REEP5: variants seen among roughly 807,000 people sequenced by gnomAD.
REEP5 encodes the protein receptor expression-enhancing protein 5.
Under a neutral mutation model 22.4 loss-of-function variants are expected in REEP5, and 24 were observed. That is an observed-to-expected ratio of 1.07 (90% CI 0.78 to 1.51). REEP5 has a LOEUF of 1.51. Ranked by LOEUF, REEP5 falls within the 40% of genes most tolerant of loss-of-function variation. REEP5 has a pLI of 0.00. For missense variants in REEP5, 252 were observed against 233.0 expected, an observed-to-expected ratio of 1.08 and a Z score of -0.53; for synonymous variants, 103 against 88.6, an observed-to-expected ratio of 1.16 and a Z score of -0.92.
chr5:112,919,408 C>T (rs370093857), intron 2 of REEP5, among the ~76,000 whole-genome samples: 9 of 146,994 alleles, frequency 6.1e-5, no homozygotes, highest in African/African-American at 2.3e-4. Context: ...ATTACTCAGG[C>T]GTGGTGGCAC....
At position 112,876,510 on chromosome 5, in the gene REEP5, C is replaced by G. The variant is rs369147197; in HGVS notation, c.*2276G>C. Reference sequence around the variant, plus strand: ...TCAGCTGTGAGTAGAGGAGTCTTCCCGAGAGTAGCAGTTGTTGATCCAAAT... The same window carrying G: ...TCAGCTGTGAGTAGAGGAGTCTTCCGGAGAGTAGCAGTTGTTGATCCAAAT... On this transcript the variant is annotated 3_prime_UTR_variant, in exon 5 of 5. Coordinates refer to ENST00000379638, the MANE Select transcript of REEP5 (RefSeq NM_005669.5). The G allele has an allele frequency of 2.6e-5, 4 of 152,216 alleles. No individual in the cohort carries two copies. Among genetic ancestry groups the G allele is most frequent in the South Asian group, 2.1e-4 (1 of 4,820 alleles). 9.4% of individuals were successfully genotyped at this position (152,216 alleles called of 1,614,324 possible).
In REEP5 at chr5:112,922,065, C is replaced by T. The variant is rs758959499; in HGVS notation, c.118+8G>A. The T allele has an allele frequency of 2.5e-6, 4 of 1,585,790 alleles. No individual in the cohort carries two copies. Among genetic ancestry groups the T allele is most frequent in the Non-Finnish European group, 2.6e-6 (3 of 1,166,734 alleles). On this transcript the variant is annotated splice_region_variant and intron_variant, in intron 1 of 4. Transcript: ENST00000379638. The stretch of plus-strand genomic sequence containing the variant: ...CCCTACCAGCGGCGGCGACCCCCGG[C>T]CACCCACCAAGAGCGATGAAGCTCC...
rs552927077 is a variant in REEP5 at position 112,892,985 on chromosome 5, G to A, written c.352-5802C>T. 1,075 of 1,581,620 alleles carry A rather than the reference G, an allele frequency of 6.8e-4. 4 individuals carry two copies. The highest frequency in any genetic ancestry group is 1.9e-3 in the Admixed American group (109 of 57,640). On this transcript the variant is annotated intron_variant, in intron 3 of 4. Transcript: ENST00000379638. ...CGGAGCCAGAGCCGCAGGAGCCACC[G>A]CAGCCGGAGCCAAAGTTCCTCTAGG...
intron 3 of REEP5, among the ~76,000 whole-genome samples, chr5:112,888,594 T>TTTA (rs35272772): frequency 0.38 from 54,697 of 144,874 alleles, 11,172 homozygotes; most frequent in African/African-American, 0.51. Context: ...TGGCTAATTT[T>TTTA]TTATAACTTT....
intron 4 of REEP5, among the ~76,000 whole-genome samples, chr5:112,884,189 G>A (rs1422389726): frequency 1.3e-5 from 2 of 152,088 alleles, no homozygotes; most frequent in Non-Finnish European, 2.9e-5. Context: ...ATCTCACATA[G>A]AGTAGAAGCC....
chr5:112,887,164 C>CTT lies in REEP5; in HGVS notation c.370_371insAA (p.Cys124Ter). The change falls in exon 4 of 5, where the codon TGC becomes TAAGC. Residue 124 changes from cysteine to a stop codon, truncating the protein, a stop_gained and frameshift_variant. Transcript: ENST00000379638. LOFTEE classifies it high-confidence loss of function. The stretch of plus-strand genomic sequence containing the variant: ...CCCATTAGAAGGGCTCGGGGCCATG[C>CTT]ACCACAACAGGAAGCCACACTGCAC... Reference protein sequence around the residue: ...YMLKCGFLLWCMAPSPSNGAE... With the variant: ...YMLKCGFLLW 1 of 1,604,528 alleles carries CTT rather than the reference C, an allele frequency of 6.2e-7. No individual in the cohort carries two copies. The highest frequency in any genetic ancestry group is 8.5e-7 in the Non-Finnish European group (1 of 1,174,066).
In REEP5 at chr5:112,921,275, G is replaced by A. The variant is rs765298894; in HGVS notation, c.119-19C>T. 1.5e-5 allele frequency: 24 copies of A among 1,612,452 alleles called. 1 individual carries two copies. Among genetic ancestry groups the A allele is most frequent in the East Asian group, 8.9e-5 (4 of 44,874 alleles). ...ATGACACCTGGGGACCACAAGGAGAGAAGTGGGTCGGGCAGCATGAGAGCC... is the reference window on the plus strand; with the variant it reads ...ATGACACCTGGGGACCACAAGGAGAAAAGTGGGTCGGGCAGCATGAGAGCC... On this transcript the variant is annotated intron_variant, in intron 1 of 4. Coordinates refer to ENST00000379638, the MANE Select transcript of REEP5 (RefSeq NM_005669.5).
chr5:112,891,988 A>G (rs1180094457), intron 3 of REEP5: 3 of 1,258,616 alleles, frequency 2.4e-6, no homozygotes, highest in East Asian at 2.3e-5. Flanking sequence ...GGAACAATGG[A>G]AAGAACAGCA....
intron 3 of REEP5, chr5:112,891,661 A>G (rs1459938363): frequency 6.2e-7 from 1 of 1,611,904 alleles, no homozygotes; most frequent in Non-Finnish European, 8.5e-7. Flanking sequence ...TGAGAAGATG[A>G]CGTTTCCCAA....
At chr5:112,880,374 G>C (rs939468314) in intron 4 of REEP5, among the ~76,000 whole-genome samples, 2 of 152,200 alleles carry the variant, frequency 1.3e-5, no homozygotes, top group African/African-American at 2.4e-5. Context: ...GGGGAAAGGG[G>C]TTGTCTAGAA....
chr5:112,897,409 GGAC>G (rs1160452353), intron 3 of REEP5: 2 of 148,154 alleles, frequency 1.3e-5, no homozygotes, highest in African/African-American at 5.0e-5. Flanking sequence ...GTAAACAGTA[GGAC>G]AACAAGGACT....
At chr5:112,888,570 T>G (rs771864786) in intron 3 of REEP5, among the ~76,000 whole-genome samples, 1 of 140,194 alleles carries the variant, frequency 7.1e-6, no homozygotes, top group Non-Finnish European at 1.5e-5. Flanking sequence ...ACTGCAGGCA[T>G]GAACCACCAG....
chr5:112,901,508 A>G (rs954663656), intron 3 of REEP5, among the ~76,000 whole-genome samples: 1 of 152,104 alleles, frequency 6.6e-6, no homozygotes, highest in Admixed American at 6.5e-5. Flanking sequence ...CAGGAGTTCG[A>G]GAGCACCCTG....
chr5:112,899,203 T>C (rs1561654517), intron 3 of REEP5, among the ~76,000 whole-genome samples: 1 of 152,006 alleles, frequency 6.6e-6, no homozygotes, highest in East Asian at 1.9e-4. Context: ...CTCAGCCTCC[T>C]GAGCAGATGG....
At chr5:112,920,000 A>G (rs1769317441) in intron 2 of REEP5, among the ~76,000 whole-genome samples, 1 of 152,174 alleles carries the variant, frequency 6.6e-6, no homozygotes, top group Admixed American at 6.5e-5. Context: ...GACCGCCTGA[A>G]TATTTGCTCA....
At chr5:112,914,566 T>C (rs139574958) in intron 2 of REEP5, among the ~76,000 whole-genome samples, 6 of 152,256 alleles carry the variant, frequency 3.9e-5, no homozygotes, top group African/African-American at 1.2e-4. Context: ...AAAGAGCAGA[T>C]GCAAATCCCA....
chr5:112,878,503 G>A lies in REEP5; in HGVS notation c.*283C>T, dbSNP rs933617646. 7.3e-6 allele frequency: 3 copies of A among 410,936 alleles called. No individual in the cohort carries two copies. The highest frequency in any genetic ancestry group is 6.1e-5 in the African/African-American group (3 of 49,096). The allele number at this position is 410,936 out of a possible 1,614,324, so 25.5% of individuals were successfully genotyped here. A position where few individuals can be genotyped will look rare whatever the true frequency, so the allele number is the denominator to read the frequency against. On this transcript the variant is annotated 3_prime_UTR_variant, in exon 5 of 5. Transcript: ENST00000379638. Reference sequence around the variant, plus strand: ...TGTGGGGTATATAATTTTATTTTAAGTTTATATTTCCTGCAGGATAGCAAC... The same window carrying A: ...TGTGGGGTATATAATTTTATTTTAAATTTATATTTCCTGCAGGATAGCAAC...
At chr5:112,886,919 G>T in intron 4 of REEP5, 96 bp downstream of exon 4, 1 of 855,312 alleles carries the variant, frequency 1.2e-6, no homozygotes. Context: ...TGGCTGAGGG[G>T]TGGTGATAAG....
chr5:112,892,910 A>G (rs1322143961), intron 3 of REEP5: 1 of 1,608,518 alleles, frequency 6.2e-7, no homozygotes, highest in African/African-American at 1.3e-5. Context: ...GAGAGGCACA[A>G]TTCACCAAGC....
Sources: allele counts gnomAD v4.1 joint callset (sites outside exome capture counted in the v4.1 genomes callset), GRCh38; gene constraint gnomAD v4.1.1; transcripts MANE v1.5; gene names NCBI Gene and HGNC (gene_info 2026-07-23, HGNC 2026-07-21).